The following GPSM1 variants were observed in gnomAD, a reference collection of about 807,000 sequenced individuals.
GPSM1 encodes the protein G protein-signaling modulator 1.
A neutral mutation model predicts 70.5 loss-of-function variants in GPSM1; 48 were observed. The ratio of observed to expected loss-of-function variants is 0.68; its 90% CI spans 0.54 to 0.87. GPSM1 has a LOEUF of 0.87. GPSM1 is among the 40% of genes least tolerant of loss of function. GPSM1 has a pLI of 0.00. For synonymous variants in GPSM1, 416 were observed against 430.1 expected (o/e 0.97, Z 0.41); for missense variants, 981 against 972.6 (o/e 1.01, Z -0.11).
chr9:136,327,754 T>C lies in GPSM1; in HGVS notation c.59T>C (p.Leu20Pro), dbSNP rs1832005991. Residue 20 changes from leucine to proline, a missense_variant, in exon 1 of 14, where the codon CTC becomes CCC. Coordinates refer to ENST00000440944, the MANE Select transcript of GPSM1 (RefSeq NM_001145638.3). ...DELPGPAARRLYSRMEASCLE... is the reference protein window; with the variant it reads ...DELPGPAARRPYSRMEASCLE... ...CTCCCGGGCCCGGCCGCCAGGCGCCTCTACTCCAGGTAGGACGGGCCGGGG... is the reference window on the plus strand; with the variant it reads ...CTCCCGGGCCCGGCCGCCAGGCGCCCCTACTCCAGGTAGGACGGGCCGGGG... 4 of 1,187,004 alleles carry C rather than the reference T, an allele frequency of 3.4e-6. No homozygotes were observed. Among genetic ancestry groups the C allele is most frequent in the Non-Finnish European group, 1.0e-6 (1 of 958,254 alleles). The allele number at this position is 1,187,004 out of a possible 1,614,324, so 73.5% of individuals were successfully genotyped here. A position where few individuals can be genotyped will look rare whatever the true frequency, so the allele number is the denominator to read the frequency against.
In GPSM1 at chr9:136,337,861, A is replaced by G. The variant is rs782816695; in HGVS notation, c.718A>G (p.Lys240Glu). Residue 240 changes from lysine to glutamate, a missense_variant, in exon 6 of 14, where the codon AAG becomes GAG. Physicochemically the swap from Lys to Glu is moderately conservative, Grantham distance 56 (BLOSUM62 1). Coordinates refer to ENST00000440944, the MANE Select transcript of GPSM1 (RefSeq NM_001145638.3). ...GTCTCCGCAGCGCCTGGCCATTGCT[A>G]AGGAGTTTGGAGACAAGGCAGCCGA... Reference protein sequence around the residue: ...TFHKERLAIAKEFGDKAAERR... With the variant: ...TFHKERLAIAEEFGDKAAERR... 2.5e-6 allele frequency: 4 copies of G among 1,611,472 alleles called. No homozygotes were observed.
At position 136,343,048 on chromosome 9, in the gene GPSM1, C is replaced by T. The variant is rs1438680810; in HGVS notation, c.1207+2055C>T. 2.6e-5 allele frequency among the ~76,000 whole-genome samples: 4 copies of T among 152,084 alleles called. No individual in the cohort carries two copies. Among genetic ancestry groups the T allele is most frequent in the Non-Finnish European group, 5.9e-5 (4 of 67,998 alleles). On this transcript the variant is annotated intron_variant, in intron 9 of 13. Coordinates refer to ENST00000440944, the MANE Select transcript of GPSM1 (RefSeq NM_001145638.3). The surrounding 1 kb of genome is among the most constrained non-coding windows in gnomAD (Gnocchi z 6.0). Reference sequence around the variant, plus strand: ...ACAAAGAGCCTTGGCGCGGCTCAGTCAGCGTATTAATCTCACCGCCCTCTG... The same window carrying T: ...ACAAAGAGCCTTGGCGCGGCTCAGTTAGCGTATTAATCTCACCGCCCTCTG...
Position 136,358,799 on chromosome 9 carries a change from A to G in GPSM1, c.*579A>G, listed in dbSNP as rs1832916719. 1 of 158,488 alleles carries G rather than the reference A, an allele frequency of 6.3e-6. No homozygotes were observed. The highest frequency in any genetic ancestry group is 2.4e-5 in the African/African-American group (1 of 41,486). 9.8% of individuals were successfully genotyped at this position (158,488 alleles called of 1,614,324 possible). The stretch of plus-strand genomic sequence containing the variant: ...GACCACGCATGGCAGACCAGGCTGC[A>G]GTGGCAGCCCTGAGGTGCCCCCCGC... On this transcript the variant is annotated 3_prime_UTR_variant, in exon 14 of 14. Coordinates refer to ENST00000440944, the MANE Select transcript of GPSM1 (RefSeq NM_001145638.3).
intron 11 of GPSM1, among the ~76,000 whole-genome samples, chr9:136,353,701 G>A (rs1554772495): frequency 6.6e-6 from 1 of 152,218 alleles, no homozygotes; most frequent in Non-Finnish European, 1.5e-5. Flanking sequence ...TCCCAGGAGG[G>A]ACCTTGCTCA....
At chr9:136,344,707 G>A (rs761127643) in intron 9 of GPSM1, among the ~76,000 whole-genome samples, 104 of 143,204 alleles carry the variant, frequency 7.3e-4, no homozygotes, top group Non-Finnish European at 6.8e-4. Context: ...CAGCAGTCTG[G>A]GCAGAGATAA....
At chr9:136,336,841 T>G in intron 3 of GPSM1, 80 bp from the exon 4 acceptor site, 1 of 1,375,728 alleles carries the variant, frequency 7.3e-7, no homozygotes, top group Non-Finnish European at 9.9e-7. Flanking sequence ...GCTGGGACAG[T>G]GAGGACACCG....
intron 1 of GPSM1, among the ~76,000 whole-genome samples, chr9:136,329,897 G>GCCCTGGGTGCTGGGTCGGTGGGGACGGGC (rs1564339073): frequency 7.0e-6 from 1 of 142,492 alleles, no homozygotes; most frequent in Non-Finnish European, 1.5e-5. Flanking sequence ...TGGGGACGGG[G>GCCCTGGGTGCTGGGTCGGTGGGGACGGGC]CCCTGGGTGC....
chr9:136,352,613 C>T (rs943978672), intron 11 of GPSM1, among the ~76,000 whole-genome samples: 25 of 152,340 alleles, frequency 1.6e-4, no homozygotes, highest in African/African-American at 5.8e-4. Flanking sequence ...GGGGAGCCAC[C>T]GAGGGCTGTG....
chr9:136,337,981 T>C lies in GPSM1; in HGVS notation c.818+20T>C. 1 of 1,509,300 alleles carries C rather than the reference T, an allele frequency of 6.6e-7. No individual in the cohort carries two copies. The highest frequency in any genetic ancestry group is 9.2e-7 in the Non-Finnish European group (1 of 1,092,562). The allele number at this position is 1,509,300 out of a possible 1,614,324, so 93.5% of individuals were successfully genotyped here. The stretch of plus-strand genomic sequence containing the variant: ...CTACAAGTAGGTGGTCCCCACAATC[T>C]CCCAGGGAGACAGCAGGCCGGGGGG... On this transcript the variant is annotated intron_variant, in intron 6 of 13. Coordinates refer to ENST00000440944, the MANE Select transcript of GPSM1 (RefSeq NM_001145638.3).
At chr9:136,357,407 T>C (rs1481017258) in intron 13 of GPSM1, among the ~76,000 whole-genome samples, 1 of 151,672 alleles carries the variant, frequency 6.6e-6, no homozygotes, top group Non-Finnish European at 1.5e-5. Context: ...AGGCCCAGAG[T>C]CCCCCATCCA....
rs1037519057 is a variant in GPSM1 at position 136,359,290 on chromosome 9, C to T, written c.*1070C>T. On this transcript the variant is annotated 3_prime_UTR_variant, in exon 14 of 14. Transcript: ENST00000440944. ...CCTCCCAAGACTGCCAAGGGCCCTA[C>T]CATGGCCCCACAGCCCCCAGGGCTG... 1 of 152,256 alleles carries T rather than the reference C, an allele frequency of 6.6e-6. No homozygotes were observed. Among genetic ancestry groups the T allele is most frequent in the East Asian group, 1.9e-4 (1 of 5,200 alleles). 9.4% of individuals were successfully genotyped at this position (152,256 alleles called of 1,614,324 possible). A position where few individuals can be genotyped will look rare whatever the true frequency, so the allele number is the denominator to read the frequency against.
chr9:136,339,191 G>A (rs1554769794), intron 7 of GPSM1, among the ~76,000 whole-genome samples: 2 of 152,248 alleles, frequency 1.3e-5, no homozygotes, highest in Non-Finnish European at 2.9e-5. Flanking sequence ...TGAGGAGAAT[G>A]TTCTGGAATA....
At chr9:136,352,658 G>A (rs1200394279) in intron 11 of GPSM1, among the ~76,000 whole-genome samples, 1 of 152,246 alleles carries the variant, frequency 6.6e-6, no homozygotes, top group African/African-American at 2.4e-5. Flanking sequence ...GAGGAGTCCA[G>A]ATGAGGACAG....
At chr9:136,346,763 T>G (rs1832532905) in intron 9 of GPSM1, among the ~76,000 whole-genome samples, 1 of 152,188 alleles carries the variant, frequency 6.6e-6, no homozygotes, top group Non-Finnish European at 1.5e-5. Context: ...ATCAGGGCCC[T>G]GCTGAGGCTG....
Position 136,336,054 on chromosome 9 carries a change from G to A in GPSM1, c.379G>A (p.Val127Ile), listed in dbSNP as rs782030116. ...KVLGRFDEAA[V>I]CCQRHLSIAQ... ...CCTGGGGCGCTTCGACGAGGCTGCC[G>A]TCTGCTGCCAGCGGCATCTGAGCAT... The change falls in exon 3 of 14, where the codon GTC becomes ATC. Residue 127 changes from valine to isoleucine, a missense_variant. Coordinates refer to ENST00000440944, the MANE Select transcript of GPSM1 (RefSeq NM_001145638.3). 61 of 1,612,162 alleles carry A rather than the reference G, an allele frequency of 3.8e-5. No individual in the cohort carries two copies. The highest frequency in any genetic ancestry group is 5.3e-5 in the African/African-American group (4 of 74,936).
rs534411834 is a variant in GPSM1, at chr9:136,352,335, T to C, written c.1455+2572T>C. Among the ~76,000 whole-genome samples, 14 of 152,262 alleles carry C rather than the reference T, an allele frequency of 9.2e-5. 4 individuals carry two copies. Among genetic ancestry groups the C allele is most frequent in the Non-Finnish European group, 1.6e-4 (11 of 68,000 alleles). The stretch of plus-strand genomic sequence containing the variant: ...ACCGATGCTGCGCCGTTGCTGTTGG[T>C]GACCAACCAGCCCCTGCCCCTCCCC... On this transcript the variant is annotated intron_variant, in intron 11 of 13. Coordinates refer to ENST00000440944, the MANE Select transcript of GPSM1 (RefSeq NM_001145638.3).
intron 1 of GPSM1, 46 bp downstream of exon 1, chr9:136,327,809 C>T: frequency 1.2e-6 from 1 of 815,902 alleles, no homozygotes; most frequent in Non-Finnish European, 1.6e-6. Context: ...TGGGACCGGA[C>T]CGGGCCGGGT....
chr9:136,337,098 G>T, intron 4 of GPSM1, 26 bp downstream of exon 4: 1 of 1,531,810 alleles, frequency 6.5e-7, no homozygotes, highest in Non-Finnish European at 8.8e-7. Context: ...CCAGCCCAGG[G>T]ACCGGGGCTG....
At position 136,358,626 on chromosome 9, in the gene GPSM1, G is replaced by A. The variant is rs1197274910; in HGVS notation, c.*406G>A. On this transcript the variant is annotated 3_prime_UTR_variant, in exon 14 of 14. Coordinates refer to ENST00000440944, the MANE Select transcript of GPSM1 (RefSeq NM_001145638.3). ...CGCCTCTTGGGGCCACCAAGGACAG[G>A]GCCATGTTCTGTCCCCCCAGAGCTG... 8 of 303,046 alleles carry A rather than the reference G, an allele frequency of 2.6e-5. No homozygotes were observed. Among genetic ancestry groups the A allele is most frequent in the Non-Finnish European group, 4.9e-5 (8 of 162,574 alleles). The allele number at this position is 303,046 out of a possible 1,614,324, so 18.8% of individuals were successfully genotyped here. A position where few individuals can be genotyped will look rare whatever the true frequency, so the allele number is the denominator to read the frequency against.
Sources: gnomAD v4.1 joint callset for allele counts (sites outside exome capture counted in the v4.1 genomes callset) on GRCh38, gnomAD v4.1.1 for gene constraint, Gnocchi (gnomAD v3.1) non-coding constraint, MANE v1.5 for transcripts, NCBI Gene and HGNC (gene_info 2026-07-23, HGNC 2026-07-21) for gene names.